GRK3: variants seen among roughly 807,000 people sequenced by gnomAD.
GRK3 encodes the protein adrenergic, beta, receptor kinase 2.
In GRK3, 54 loss-of-function variants were observed where a neutral mutation model predicts 95.7. The ratio of observed to expected loss-of-function variants is 0.56; its 90% confidence interval spans 0.45 to 0.71. The LOEUF (loss-of-function observed/expected upper bound fraction) is 0.71, where lower values mean the gene tolerates loss of function less well. Ranked by LOEUF, GRK3 falls within the 30% of genes least tolerant of loss-of-function variation. The probability of loss-of-function intolerance (pLI) is 0.00; values close to 1 mark genes in which losing one functional copy is unlikely to be tolerated. For synonymous variants in GRK3, 281 were observed against 290.8 expected, an observed-to-expected ratio of 0.97 and a Z score of 0.34; for missense variants, 649 against 851.2, an observed-to-expected ratio of 0.76 and a Z score of 2.96.
intron 2 of GRK3, among the ~76,000 whole-genome samples, chr22:25,610,096 C>T (rs1300910758): frequency 6.6e-6 from 1 of 152,072 alleles, no homozygotes; most frequent in East Asian, 1.9e-4. Flanking sequence ...TGTGATCCAC[C>T]CACCTCGGCC....
intron 2 of GRK3, among the ~76,000 whole-genome samples, chr22:25,623,956 G>C (rs1264393810): frequency 6.6e-6 from 1 of 152,102 alleles, no homozygotes; most frequent in Non-Finnish European, 1.5e-5. Flanking sequence ...CAGGAGTCAG[G>C]ATCAGGCACT....
intron 18 of GRK3, among the ~76,000 whole-genome samples, chr22:25,716,724 C>A (rs922219514): frequency 2.0e-5 from 3 of 152,040 alleles, no homozygotes; most frequent in Admixed American, 1.3e-4. Context: ...ATAAGAATAA[C>A]AATACAACAA....
At chr22:25,626,127 C>T (rs1035453746) in intron 2 of GRK3, among the ~76,000 whole-genome samples, 3 of 152,172 alleles carry the variant, frequency 2.0e-5, no homozygotes, top group African/African-American at 7.2e-5. Flanking sequence ...TGGGGCTGGT[C>T]CCTACATTAG....
intron 1 of GRK3, among the ~76,000 whole-genome samples, chr22:25,565,380 G>A (rs1175037726): frequency 6.6e-6 from 1 of 152,194 alleles, no homozygotes; most frequent in African/African-American, 2.4e-5. Flanking sequence ...TGCCCGGCGC[G>A]GCGCCCTGCG....
At chr22:25,663,163 A>G (rs1027891766) in intron 4 of GRK3, among the ~76,000 whole-genome samples, 1 of 152,100 alleles carries the variant, frequency 6.6e-6, no homozygotes, top group African/African-American at 2.4e-5. Flanking sequence ...CTACAGGCGC[A>G]CACCACCATG....
At chr22:25,596,792 C>T (rs530263584) in intron 1 of GRK3, among the ~76,000 whole-genome samples, 2 of 152,348 alleles carry the variant, frequency 1.3e-5, no homozygotes, top group East Asian at 3.9e-4. Context: ...CAGAATTTAA[C>T]TAATCATGGC....
In GRK3 at chr22:25,722,730, A is replaced by G. The variant is rs1601552956; in HGVS notation, c.*280A>G. On this transcript the variant is annotated 3_prime_UTR_variant, in exon 21 of 21. Transcript: ENST00000324198. ...ACTCCTACTTATCACGTAAATTTTT[A>G]TGTCTGATATCAAACACATCTTAGA... 1 of 305,878 alleles carries G rather than the reference A, an allele frequency of 3.3e-6. No individual in the cohort carries two copies. The highest frequency in any genetic ancestry group is 6.1e-6 in the Non-Finnish European group (1 of 164,216). 18.9% of individuals were successfully genotyped at this position (305,878 alleles called of 1,614,324 possible). A position where few individuals can be genotyped will look rare whatever the true frequency, so the allele number is the denominator to read the frequency against.
chr22:25,695,835 AT>A (rs1191151827), intron 13 of GRK3, among the ~76,000 whole-genome samples: 4,353 of 133,528 alleles, frequency 0.033, 114 homozygotes, highest in African/African-American at 0.089. Context: ...CACCCGGCTA[AT>A]TTTTTTTTTT....
intron 1 of GRK3, among the ~76,000 whole-genome samples, chr22:25,596,818 C>T (rs2084375337): frequency 6.6e-6 from 1 of 152,190 alleles, no homozygotes; most frequent in African/African-American, 2.4e-5. Context: ...ATTCATGATA[C>T]TCTCTCATTA....
chr22:25,595,295 G>A (rs1022062807), intron 1 of GRK3, among the ~76,000 whole-genome samples: 11 of 151,806 alleles, frequency 7.2e-5, no homozygotes, highest in Non-Finnish European at 1.2e-4. Context: ...ATTGATAAAC[G>A]ACTTCAGGAA....
intron 2 of GRK3, among the ~76,000 whole-genome samples, chr22:25,607,398 G>T (rs2084459004): frequency 6.6e-6 from 1 of 151,070 alleles, no homozygotes; most frequent in South Asian, 2.1e-4. Context: ...TTCAAATACT[G>T]TTCTTGTATT....
chr22:25,566,558 A>G (rs1160540489), intron 1 of GRK3, among the ~76,000 whole-genome samples: 1 of 152,230 alleles, frequency 6.6e-6, no homozygotes, highest in Admixed American at 6.5e-5. Flanking sequence ...ACTCTTTGAT[A>G]GACAATGCCA....
chr22:25,649,174 C>T, intron 3 of GRK3: 1 of 1,371,554 alleles, frequency 7.3e-7, no homozygotes, highest in Non-Finnish European at 1.0e-6. Flanking sequence ...TATGTTCAGT[C>T]CTTCTTGGGA....
rs961365032 is a variant in GRK3, at chr22:25,727,765, G to A, written c.*5315G>A. The A allele has an allele frequency of 1.3e-5, 2 of 152,158 alleles. No homozygotes were observed. Among genetic ancestry groups the A allele is most frequent in the African/African-American group, 2.4e-5 (1 of 41,416 alleles). 9.4% of individuals were successfully genotyped at this position (152,158 alleles called of 1,614,324 possible). ...TAAATATCAGATGTCTTTGATGTAAGGGTAGGGAATGGAGAAATATTTTCA... is the reference window on the plus strand; with the variant it reads ...TAAATATCAGATGTCTTTGATGTAAAGGTAGGGAATGGAGAAATATTTTCA... On this transcript the variant is annotated 3_prime_UTR_variant, in exon 21 of 21. Transcript: ENST00000324198.
At chr22:25,662,680 G>A (rs1398620774) in intron 4 of GRK3, among the ~76,000 whole-genome samples, 1 of 152,200 alleles carries the variant, frequency 6.6e-6, no homozygotes, top group Admixed American at 6.5e-5. Flanking sequence ...ACTAATTGTT[G>A]CTACTCCATG....
intron 9 of GRK3, among the ~76,000 whole-genome samples, chr22:25,682,171 C>T (rs7289013): frequency 3.9e-4 from 60 of 152,270 alleles, no homozygotes; most frequent in African/African-American, 1.4e-3. Flanking sequence ...AATGACTAGA[C>T]AGTAAGAGAA....
intron 3 of GRK3, among the ~76,000 whole-genome samples, chr22:25,659,394 T>A (rs190946422): frequency 6.6e-6 from 1 of 152,316 alleles, no homozygotes; most frequent in East Asian, 1.9e-4. Context: ...AAGCAGAGAC[T>A]ATGACACCTG....
chr22:25,718,220 C>A, intron 18 of GRK3, 25 bp from the exon 19 acceptor site: 1 of 1,607,476 alleles, frequency 6.2e-7, no homozygotes, highest in African/African-American at 1.3e-5. Flanking sequence ...GCCTATTTAA[C>A]TCCTAGTGAT....
chr22:25,621,336 AC>A (rs2084584847), intron 2 of GRK3, among the ~76,000 whole-genome samples: 1 of 152,182 alleles, frequency 6.6e-6, no homozygotes, highest in Admixed American at 6.5e-5. Context: ...CACCTTACTC[AC>A]TTTCATTACC....
Sources: allele counts gnomAD v4.1 joint callset (sites outside exome capture counted in the v4.1 genomes callset), GRCh38; gene constraint gnomAD v4.1.1; transcripts MANE v1.5; gene names NCBI Gene and HGNC (gene_info 2026-07-23, HGNC 2026-07-21).